Variants in PHF21A observed in about 807,000 individuals in gnomAD.
PHF21A encodes PHD finger protein 21A, also known as BHC80a.
A neutral mutation model predicts 82.5 loss-of-function variants in PHF21A; 11 were observed. The observed-to-expected ratio is 0.13, with a 90% CI of 0.08 to 0.22. The LOEUF is 0.22. Ranked by LOEUF, PHF21A falls within the 10% of genes least tolerant of loss-of-function variation. The pLI is 1.00. For missense variants in PHF21A, 579 were observed against 837.8 expected (o/e 0.69, Z 3.81); for synonymous variants, 297 against 302.8 (o/e 0.98, Z 0.20).
intron 6 of PHF21A, among the ~76,000 whole-genome samples, chr11:45,993,672 C>G (rs1208253899): frequency 9.9e-5 from 15 of 151,472 alleles, no homozygotes; most frequent in Non-Finnish European, 1.6e-4. Context: ...GAGAGATGTC[C>G]CTTTCTGGTC....
Position 45,953,604 on chromosome 11 carries a change from T to G in PHF21A, c.1018A>C (p.Thr340Pro). The G allele has an allele frequency of 6.2e-7, 1 of 1,613,444 alleles. No homozygotes were observed. Among genetic ancestry groups the G allele is most frequent in the Non-Finnish European group, 8.5e-7 (1 of 1,179,438 alleles). The change falls in exon 11 of 19, where the codon ACA becomes CCA. Residue 340 changes from threonine (T) to proline (P), a missense_variant. Thr to Pro is a conservative substitution (Grantham distance 38). Coordinates refer to ENST00000676320, the MANE Select transcript of PHF21A (RefSeq NM_001352027.3). ...CGGCTCTCTGTTTGTTTCTCATCTG[T>G]TTCTGTGTGAGATTTAACTGTCTAG... ...EKQTVKSHTE[T>P]DEKQTESRTI... is the part of the protein sequence containing the mutation.
chr11:46,013,597 G>A (rs566867887), intron 6 of PHF21A, among the ~76,000 whole-genome samples: 76 of 152,190 alleles, frequency 5.0e-4, no homozygotes, highest in Non-Finnish European at 9.6e-4. Context: ...TTAATAACAG[G>A]GATATGTCCT....
intron 7 of PHF21A, among the ~76,000 whole-genome samples, chr11:45,974,503 G>A (rs1285677695): frequency 6.6e-6 from 1 of 151,864 alleles, no homozygotes; most frequent in Non-Finnish European, 1.5e-5. Context: ...ACCCAGGCTA[G>A]AGTGCAGTGG....
At chr11:45,941,684 C>A (rs1205850289) in intron 15 of PHF21A, among the ~76,000 whole-genome samples, 3 of 152,166 alleles carry the variant, frequency 2.0e-5, no homozygotes, top group East Asian at 1.9e-4. Flanking sequence ...CCTACGGAGG[C>A]ACCATACCAG....
At chr11:46,019,730 CCTTT>C (rs1203493073) in intron 6 of PHF21A, among the ~76,000 whole-genome samples, 15 of 152,110 alleles carry the variant, frequency 9.9e-5, no homozygotes, top group Admixed American at 4.6e-4. Flanking sequence ...TTAACTGGTT[CCTTT>C]GTTTTTATAT....
At position 45,930,166 on chromosome 11, in the gene PHF21A, G is replaced by C. The variant is rs1374750580; in HGVS notation, c.*3802C>G. ...CTGAAGAGTGTGTGTGAGCTGGGAG[G>C]TGACAGCCCAAGGGAGGCTCTGATG... On this transcript the variant is annotated 3_prime_UTR_variant, in exon 19 of 19. Coordinates refer to ENST00000676320, the MANE Select transcript of PHF21A (RefSeq NM_001352027.3). 6.6e-6 allele frequency: 1 copy of C among 152,052 alleles called. No individual in the cohort carries two copies. Among genetic ancestry groups the C allele is most frequent in the South Asian group, 2.1e-4 (1 of 4,822 alleles). The allele number at this position is 152,052 out of a possible 1,614,324, so 9.4% of individuals were successfully genotyped here.
At chr11:45,974,364 A>G (rs1480423159) in intron 7 of PHF21A, among the ~76,000 whole-genome samples, 1 of 151,994 alleles carries the variant, frequency 6.6e-6, no homozygotes, top group Non-Finnish European at 1.5e-5. Context: ...AAAATGTCTG[A>G]ACTGTTCTGG....
intron 8 of PHF21A, 138 bp downstream of exon 8, chr11:45,970,978 G>A (rs2093707327): frequency 1.1e-5 from 12 of 1,058,262 alleles, no homozygotes; most frequent in Admixed American, 2.8e-5. Context: ...TCCCTTGTCA[G>A]CCCCAAAGGG....
intron 6 of PHF21A, among the ~76,000 whole-genome samples, chr11:46,067,197 G>A (rs545653291): frequency 6.6e-5 from 10 of 152,198 alleles, no homozygotes; most frequent in East Asian, 3.9e-4. Context: ...GGGGTCTGCC[G>A]GAAGAAAGGT....
chr11:46,003,697 A>G (rs1383772827), intron 6 of PHF21A, among the ~76,000 whole-genome samples: 1 of 152,218 alleles, frequency 6.6e-6, no homozygotes, highest in African/African-American at 2.4e-5. Flanking sequence ...AGTATGGCTC[A>G]GCACACTACA....
chr11:46,060,720 C>A (rs1262761462), intron 6 of PHF21A, among the ~76,000 whole-genome samples: 2 of 152,126 alleles, frequency 1.3e-5, no homozygotes. Flanking sequence ...GGATATTAGA[C>A]CTTTGTCAGA....
intron 14 of PHF21A, among the ~76,000 whole-genome samples, chr11:45,947,052 T>C (rs1337630467): frequency 1.3e-5 from 2 of 152,124 alleles, no homozygotes; most frequent in Non-Finnish European, 2.9e-5. Flanking sequence ...ATAAACTACA[T>C]CTCTAAAAAT....
Position 46,067,598 on chromosome 11 carries a change from C to CAAA in PHF21A, c.153+9153_153+9155dup, listed in dbSNP as rs11448208. 1.1e-3 allele frequency among the ~76,000 whole-genome samples: 165 copies of CAAA among 145,228 alleles called. 2 individuals are homozygous for CAAA. Among genetic ancestry groups the CAAA allele is most frequent in the African/African-American group, 2.3e-3 (91 of 39,408 alleles). On this transcript the variant is annotated intron_variant, in intron 6 of 18. Transcript: ENST00000676320. ...AATAATAAGAATATTCCACCCCCCACAAAAAAAAAAAAAACTGAATTGAAT... is the reference window on the plus strand; with the variant it reads ...AATAATAAGAATATTCCACCCCCCACAAAAAAAAAAAAAAAAACTGAATTGAAT...
intron 15 of PHF21A, among the ~76,000 whole-genome samples, chr11:45,944,341 T>C (rs1046503492): frequency 6.6e-6 from 1 of 152,160 alleles, no homozygotes; most frequent in Non-Finnish European, 1.5e-5. Flanking sequence ...GTGAGAAGCA[T>C]AGGCAAAATG....
intron 6 of PHF21A, among the ~76,000 whole-genome samples, chr11:46,022,840 T>C (rs935896861): frequency 3.1e-4 from 47 of 152,160 alleles, no homozygotes; most frequent in African/African-American, 1.1e-3. Context: ...TGGAGTGCAG[T>C]GGTGAGATCT....
chr11:46,088,780 A>G (rs1172037892), intron 3 of PHF21A, among the ~76,000 whole-genome samples: 1 of 152,192 alleles, frequency 6.6e-6, no homozygotes, highest in African/African-American at 2.4e-5. Flanking sequence ...TTCTCTACAT[A>G]GTATATATCT....
chr11:46,074,325 T>C (rs2096695980), intron 6 of PHF21A, among the ~76,000 whole-genome samples: 1 of 152,142 alleles, frequency 6.6e-6, no homozygotes, highest in Non-Finnish European at 1.5e-5. Flanking sequence ...CTTTTCTGTA[T>C]TTTAAATTTT....
intron 17 of PHF21A, among the ~76,000 whole-genome samples, chr11:45,935,943 C>T (rs1378544357): frequency 6.6e-6 from 1 of 152,074 alleles, no homozygotes; most frequent in Non-Finnish European, 1.5e-5. Flanking sequence ...TTGGGTCTGG[C>T]TTTACATAAA....
chr11:46,028,571 CTTT>C lies in PHF21A; in HGVS notation c.153+48180_153+48182del, dbSNP rs869035139. ...ATTACTTTATACTTTAAAAGCTTGC[CTTT>C]TTTTTTTTTTTTTTTTTGAGACAGA... On this transcript the variant is annotated intron_variant, in intron 6 of 18. Transcript: ENST00000676320. Among the ~76,000 whole-genome samples, 201 of 106,300 alleles carry C rather than the reference CTTT, an allele frequency of 1.9e-3. 1 individual carries two copies. Among genetic ancestry groups the C allele is most frequent in the African/African-American group, 6.3e-3 (175 of 27,780 alleles). 69.7% of individuals were successfully genotyped at this position (106,300 alleles called of 152,430 possible).
Sources: gnomAD v4.1 joint callset for allele counts (sites outside exome capture counted in the v4.1 genomes callset) on GRCh38, gnomAD v4.1.1 for gene constraint, MANE v1.5 for transcripts, NCBI Gene and HGNC (gene_info 2026-07-23, HGNC 2026-07-21) for gene names.